PDE4C: variants seen among roughly 807,000 people sequenced by gnomAD.
PDE4C encodes the protein 3',5'-cyclic-AMP phosphodiesterase 4C.
A neutral mutation model predicts 63.9 loss-of-function variants in PDE4C; 50 were observed. That is an observed-to-expected ratio of 0.78 (90% confidence interval 0.62 to 0.99). The LOEUF is 0.99. PDE4C is among the 50% of genes least tolerant of loss of function. PDE4C has a pLI of 0.00. For missense variants in PDE4C, 777 were observed against 899.1 expected, an observed-to-expected ratio of 0.86 and a Z score of 1.74; for synonymous variants, 377 against 385.1, an observed-to-expected ratio of 0.98 and a Z score of 0.25.
intron 1 of PDE4C, among the ~76,000 whole-genome samples, chr19:18,247,400 A>G (rs1969151222): frequency 6.6e-6 from 1 of 152,022 alleles, no homozygotes; most frequent in Non-Finnish European, 1.5e-5. Flanking sequence ...GGTTCAAGCA[A>G]TTCTCCTGCC....
At chr19:18,210,802 G>C (rs1967887196) in exon 15 of PDE4C, 4 of 1,454,308 alleles carry the variant, frequency 2.8e-6, no homozygotes, top group Non-Finnish European at 2.7e-6. Flanking sequence ...CTAAGAGCTT[G>C]ATTGTCTCCC....
exon 1 of PDE4C, chr19:18,233,541 C>T: frequency 3.6e-6 from 2 of 552,704 alleles, no homozygotes; most frequent in South Asian, 1.5e-5. Flanking sequence ...AAGACAAGGA[C>T]TTGGAGTGGA....
chr19:18,211,239 T>A, exon 15 of PDE4C: 1 of 1,605,132 alleles, frequency 6.2e-7, no homozygotes, highest in Non-Finnish European at 8.5e-7. Context: ...AGCCCAAGTC[T>A]CCCACAGTGG....
chr19:18,222,111 T>C (rs1256525533), intron 2 of PDE4C, 21 bp downstream of exon 2: 1 of 1,590,662 alleles, frequency 6.3e-7, no homozygotes, highest in Non-Finnish European at 8.6e-7. Context: ...GGCGGTGTCA[T>C]CCCACCAGCC....
chr19:18,219,943 C>A (rs1968384895), intron 7 of PDE4C, among the ~76,000 whole-genome samples: 1 of 152,092 alleles, frequency 6.6e-6, no homozygotes. Context: ...TCAGCATTTT[C>A]CCCCAAACAG....
At chr19:18,236,165 G>C (rs1052806097), upstream of PDE4C, among the ~76,000 whole-genome samples, 2 of 151,870 alleles carry the variant, frequency 1.3e-5, no homozygotes, top group African/African-American at 4.8e-5. Context: ...GGATGGTCTC[G>C]ATCTCCTGAC....
At chr19:18,247,947 C>T (rs1415594984) in intron 1 of PDE4C, among the ~76,000 whole-genome samples, 1 of 152,136 alleles carries the variant, frequency 6.6e-6, no homozygotes, top group African/African-American at 2.4e-5. Context: ...CAGCCAGGTG[C>T]CCAAAGCCCC....
chr19:18,251,941 A>G (rs1050463015), upstream of PDE4C: 26 of 397,130 alleles, frequency 6.5e-5, no homozygotes, highest in Non-Finnish European at 5.8e-5. Context: ...ACAATGGAGC[A>G]GAGACAAGAA....
chr19:18,254,988 G>A, the PDE4C span, among the ~76,000 whole-genome samples: 1 of 152,228 alleles, frequency 6.6e-6, no homozygotes, highest in Non-Finnish European at 1.5e-5. Context: ...GCAGGTTCAG[G>A]GCTCACTGGA....
In PDE4C at chr19:18,232,978, G is replaced by A. The variant is rs147726602; in HGVS notation, c.214C>T (p.Leu72Phe). The change falls in exon 1 of 15, where the codon CTC (leucine) becomes TTC (phenylalanine). Residue 72 changes from leucine (L) to phenylalanine (F), a missense_variant. Physicochemically the swap from Leu to Phe is conservative, Grantham distance 22 (BLOSUM62 0). Transcript: ENST00000594465. ...CTGCAGGAGGAAACGGGCCAGGAGAGCCGCGACTTCCTGAGCTCCGGCCGC... is the reference window on the plus strand; with the variant it reads ...CTGCAGGAGGAAACGGGCCAGGAGAACCGCGACTTCCTGAGCTCCGGCCGC... The A allele has an allele frequency of 6.2e-4, 929 of 1,493,114 alleles. 8 individuals carry two copies. The African/African-American group carries it at 0.011, about 18-fold the overall frequency. 92.5% of individuals were successfully genotyped at this position (1,493,114 alleles called of 1,614,324 possible). A position where few individuals can be genotyped will look rare whatever the true frequency, so the allele number is the denominator to read the frequency against.
intron 1 of PDE4C, among the ~76,000 whole-genome samples, chr19:18,224,011 C>A (rs766548116): frequency 6.6e-6 from 1 of 152,208 alleles, no homozygotes; most frequent in East Asian, 1.9e-4. Flanking sequence ...TAGGCTCCCC[C>A]ACTCCTCCAC....
chr19:18,212,009 G>A, intron 13 of PDE4C, 68 bp from the exon 14 acceptor site: 1 of 1,507,540 alleles, frequency 6.6e-7, no homozygotes, highest in Non-Finnish European at 9.2e-7. Context: ...CACCTCCACA[G>A]ACAGGCTTGG....
intron 2 of PDE4C, 141 bp downstream of exon 2, chr19:18,221,991 T>A (rs1968503402): frequency 1.4e-6 from 1 of 690,538 alleles, no homozygotes; most frequent in African/African-American, 1.8e-5. Context: ...CACACTTGAT[T>A]GAATATATGA....
upstream of PDE4C, among the ~76,000 whole-genome samples, chr19:18,226,929 G>A (rs764270532): frequency 1.3e-5 from 2 of 152,048 alleles, no homozygotes; most frequent in Non-Finnish European, 2.9e-5. Context: ...TTAGAGGGCT[G>A]CCCCTAAGAT....
chr19:18,245,123 C>T (rs1362481778), intron 1 of PDE4C, among the ~76,000 whole-genome samples: 2 of 151,628 alleles, frequency 1.3e-5, no homozygotes, highest in Non-Finnish European at 2.9e-5. Flanking sequence ...GCATGAGCCA[C>T]TGTGCCTAGC....
At position 18,220,956 on chromosome 19, in the gene PDE4C, C is replaced by CG; in HGVS notation, c.450-34dup. The CG allele has an allele frequency of 6.3e-7, 1 of 1,580,900 alleles. No individual in the cohort carries two copies. The highest frequency in any genetic ancestry group is 8.6e-7 in the Non-Finnish European group (1 of 1,165,006). On this transcript the variant is annotated intron_variant, in intron 4 of 14. Transcript: ENST00000262805. This position sits in a 1 kb window ranked among gnomAD's most constrained non-coding sequence, Gnocchi z 5.1. ...ACAGCAGCCTCAGGCGTGGCTGCTC[C>CG]GCCCATCTCGCCCCGCCCCCAAGTC...
At chr19:18,249,303 C>A (rs1214534304), upstream of PDE4C, among the ~76,000 whole-genome samples, 1 of 152,088 alleles carries the variant, frequency 6.6e-6, no homozygotes, top group African/African-American at 2.4e-5. Context: ...GAGACAGGGT[C>A]TCACTCTGTC....
chr19:18,222,468 C>T (rs1377619334), intron 1 of PDE4C, 145 bp from the exon 2 acceptor site: 7 of 655,406 alleles, frequency 1.1e-5, no homozygotes, highest in African/African-American at 1.8e-5. Flanking sequence ...CCCCCAGCTA[C>T]ACCCTCAGGA....
upstream of PDE4C, among the ~76,000 whole-genome samples, chr19:18,236,074 C>T (rs1311942554): frequency 2.0e-5 from 3 of 151,296 alleles, no homozygotes; most frequent in Non-Finnish European, 4.4e-5. Flanking sequence ...TCCTGAGTAG[C>T]TGGGACTACA....
Sources: allele counts gnomAD v4.1 joint callset (sites outside exome capture counted in the v4.1 genomes callset), GRCh38; gene constraint gnomAD v4.1.1; non-coding constraint Gnocchi (gnomAD v3.1); transcripts MANE v1.5; gene names NCBI Gene and HGNC (gene_info 2026-07-23, HGNC 2026-07-21).